Variants in DAB1 observed in about 807,000 individuals in gnomAD.
DAB1 encodes the protein disabled homolog 1.
In DAB1, 15 loss-of-function variants were observed where a neutral mutation model predicts 64.6. That is an observed-to-expected ratio of 0.23 (90% CI 0.16 to 0.36). The LOEUF (loss-of-function observed/expected upper bound fraction) is 0.36, where lower values mean the gene tolerates loss of function less well. Among genes scored for constraint, DAB1 ranks in the 10% least tolerant of loss-of-function variants. The pLI is 1.00. For synonymous variants in DAB1, 235 were observed against 251.9 expected, an observed-to-expected ratio of 0.93 and a Z score of 0.64; for missense variants, 596 against 706.7, an observed-to-expected ratio of 0.84 and a Z score of 1.78.
chr1:57,029,340 C>A (rs1453506430), intron 9 of DAB1, among the ~76,000 whole-genome samples: 1 of 152,194 alleles, frequency 6.6e-6, no homozygotes, highest in East Asian at 1.9e-4. Flanking sequence ...TGCCTGGATG[C>A]CCAGGCAGAA....
At chr1:57,293,540 T>C (rs1217683473) in intron 1 of DAB1, among the ~76,000 whole-genome samples, 1 of 152,122 alleles carries the variant, frequency 6.6e-6, no homozygotes, top group Non-Finnish European at 1.5e-5. Flanking sequence ...TTAATAAATA[T>C]TAGGCACATA....
intron 7 of DAB1, among the ~76,000 whole-genome samples, chr1:57,501,871 T>C (rs1173258458): frequency 6.6e-6 from 1 of 152,150 alleles, no homozygotes; most frequent in African/African-American, 2.4e-5. Context: ...CCAACAACTA[T>C]AAATGATTTT....
At chr1:58,045,908 T>C (rs941422446) in intron 5 of DAB1, among the ~76,000 whole-genome samples, 1 of 151,136 alleles carries the variant, frequency 6.6e-6, no homozygotes, top group Non-Finnish European at 1.5e-5. Context: ...TGCTCCCTGG[T>C]AATTAGGGAT....
chr1:57,198,279 G>T (rs143439702), intron 2 of DAB1, among the ~76,000 whole-genome samples: 1 of 152,068 alleles, frequency 6.6e-6, no homozygotes, highest in South Asian at 2.1e-4. Context: ...ACAGAGTAAG[G>T]CATGCAGGCT....
At chr1:57,927,669 T>C (rs1245764004) in intron 5 of DAB1, among the ~76,000 whole-genome samples, 4 of 152,224 alleles carry the variant, frequency 2.6e-5, no homozygotes, top group African/African-American at 4.8e-5. Context: ...ACTTGTTATG[T>C]TAAGTCAGGG....
chr1:58,264,456 G>A (rs1223117477), intron 4 of DAB1, among the ~76,000 whole-genome samples: 2 of 152,174 alleles, frequency 1.3e-5, no homozygotes, highest in Non-Finnish European at 2.9e-5. Flanking sequence ...AGTGGCCGCT[G>A]TAACAAAGAC....
chr1:58,087,004 A>G (rs1266188323), intron 5 of DAB1, among the ~76,000 whole-genome samples: 4 of 152,162 alleles, frequency 2.6e-5, no homozygotes, highest in African/African-American at 9.7e-5. Flanking sequence ...GAGCTGTGGA[A>G]TCTGACAATT....
chr1:57,852,908 G>A (rs1653596281), intron 1 of DAB1, among the ~76,000 whole-genome samples: 1 of 152,128 alleles, frequency 6.6e-6, no homozygotes, highest in South Asian at 2.1e-4. Context: ...CTAGAAAGGT[G>A]ATTGACACAT....
intron 3 of DAB1, among the ~76,000 whole-genome samples, chr1:58,389,081 A>G (rs1458897080): frequency 1.3e-5 from 2 of 152,172 alleles, no homozygotes; most frequent in African/African-American, 4.8e-5. Context: ...AGGGTCATCA[A>G]TCCTTCATGA....
chr1:57,440,541 G>A (rs1380890015), intron 7 of DAB1, among the ~76,000 whole-genome samples: 1 of 152,114 alleles, frequency 6.6e-6, no homozygotes, highest in Admixed American at 6.5e-5. Flanking sequence ...AAGAAAGAAA[G>A]GAGAGAGGGA....
intron 5 of DAB1, among the ~76,000 whole-genome samples, chr1:57,956,204 T>C (rs1223075917): frequency 6.6e-6 from 1 of 152,048 alleles, no homozygotes; most frequent in Non-Finnish European, 1.5e-5. Flanking sequence ...GGCAGCACAC[T>C]CAAGAGAGAA....
intron 4 of DAB1, among the ~76,000 whole-genome samples, chr1:58,313,235 G>A (rs1662470646): frequency 6.6e-6 from 1 of 152,138 alleles, no homozygotes; most frequent in African/African-American, 2.4e-5. Context: ...AAAACAGATG[G>A]CACATTTAAT....
At chr1:57,140,032 C>A (rs1273501740) in intron 3 of DAB1, among the ~76,000 whole-genome samples, 2 of 152,144 alleles carry the variant, frequency 1.3e-5, no homozygotes, top group Non-Finnish European at 2.9e-5. Flanking sequence ...CTAGAGTGGG[C>A]CTGCCACAAG....
In DAB1 at chr1:58,492,217, G is replaced by A. The variant is rs539035266; in HGVS notation, n.257+13843C>T. ...AATAAAGATGTTCTTTGAAACCAAC[G>A]AGAACAAAGACACAACATACCAGAA... On this transcript the variant is annotated intron_variant and non_coding_transcript_variant, in intron 3 of 20. Transcript: ENST00000485760. Among the ~76,000 whole-genome samples the A allele has an allele frequency of 1.7e-3, 265 of 152,132 alleles. 1 individual carries two copies. The highest frequency in any genetic ancestry group is 1.3e-3 in the African/African-American group (52 of 41,512).
intron 3 of DAB1, among the ~76,000 whole-genome samples, chr1:58,458,142 T>C (rs1303453054): frequency 6.6e-6 from 1 of 152,192 alleles, no homozygotes; most frequent in Non-Finnish European, 1.5e-5. Context: ...TAAATTCAAA[T>C]TGGTTTAAAT....
At chr1:57,520,713 T>G (rs1406883808) in intron 7 of DAB1, among the ~76,000 whole-genome samples, 1 of 152,136 alleles carries the variant, frequency 6.6e-6, no homozygotes, top group Non-Finnish European at 1.5e-5. Context: ...AATTATAGCT[T>G]CTCTTATTGA....
chr1:58,280,268 T>A (rs1661526974), intron 4 of DAB1, among the ~76,000 whole-genome samples: 1 of 152,210 alleles, frequency 6.6e-6, no homozygotes, highest in Non-Finnish European at 1.5e-5. Flanking sequence ...CTGTGTTCTC[T>A]TCCTTCCCTG....
intron 3 of DAB1, chr1:58,481,053 G>GT (rs761913356): frequency 2.3e-6 from 2 of 871,544 alleles, no homozygotes; most frequent in South Asian, 2.6e-5. Context: ...CTGTTTCTTC[G>GT]TGATATTTAG....
intron 2 of DAB1, among the ~76,000 whole-genome samples, chr1:58,510,075 C>G (rs998568359): frequency 4.6e-5 from 7 of 152,074 alleles, no homozygotes; most frequent in Non-Finnish European, 8.8e-5. Context: ...GAATTAATGT[C>G]AATGACTCTC....
Sources: gnomAD v4.1 joint callset for allele counts (sites outside exome capture counted in the v4.1 genomes callset) on GRCh38, gnomAD v4.1.1 for gene constraint, MANE v1.5 for transcripts, NCBI Gene and HGNC (gene_info 2026-07-23, HGNC 2026-07-21) for gene names.